CEP192: variants seen among roughly 807,000 people sequenced by gnomAD.
CEP192 encodes centrosomal protein of 192 kDa.
In CEP192, 151 loss-of-function variants were observed where a neutral mutation model predicts 271.8. The ratio of observed to expected loss-of-function variants is 0.56; its 90% confidence interval spans 0.49 to 0.64. The LOEUF is 0.64. Among genes scored for constraint, CEP192 ranks in the 30% least tolerant of loss-of-function variants. The pLI is 0.00. For missense variants in CEP192, 2,910 were observed against 3,020.5 expected, an observed-to-expected ratio of 0.96 and a Z score of 0.86; for synonymous variants, 995 against 1,076.5, an observed-to-expected ratio of 0.92 and a Z score of 1.48.
chr18:12,997,620 C>T (rs2033337187), intron 1 of CEP192, among the ~76,000 whole-genome samples: 1 of 152,128 alleles, frequency 6.6e-6, no homozygotes, highest in South Asian at 2.1e-4. Flanking sequence ...TAAAGGGCTC[C>T]AGCTCTTTCT....
intron 30 of CEP192, among the ~76,000 whole-genome samples, chr18:13,079,860 G>C (rs1415456922): frequency 6.6e-6 from 1 of 152,190 alleles, no homozygotes; most frequent in Admixed American, 6.5e-5. Flanking sequence ...CATATGGCTA[G>C]CCAGTTTTCC....
chr18:13,045,078 T>A (rs1311151640), intron 15 of CEP192, among the ~76,000 whole-genome samples: 1 of 152,198 alleles, frequency 6.6e-6, no homozygotes, highest in Non-Finnish European at 1.5e-5. Context: ...GATTAATATC[T>A]TAGGTTGTTA....
intron 19 of CEP192, 148 bp from the exon 20 acceptor site, chr18:13,057,437 A>T (rs1435263155): frequency 2.6e-6 from 2 of 763,898 alleles, no homozygotes; most frequent in Non-Finnish European, 3.9e-6. Context: ...GGCTCATGCA[A>T]CATCAAGGAC....
At chr18:13,012,534 A>G (rs1285375486) in intron 4 of CEP192, among the ~76,000 whole-genome samples, 2 of 152,116 alleles carry the variant, frequency 1.3e-5, no homozygotes, top group African/African-American at 4.8e-5. Context: ...ACAGTTGTTC[A>G]TATTGATTTG....
intron 41 of CEP192, 29 bp from the exon 42 acceptor site, chr18:13,114,101 C>T (rs2145079490): frequency 1.3e-6 from 2 of 1,583,648 alleles, no homozygotes; most frequent in East Asian, 2.2e-5. Flanking sequence ...TTTATTTCTT[C>T]TCCGTTACCC....
At chr18:13,116,807 C>T (rs1238929694) in intron 43 of CEP192, among the ~76,000 whole-genome samples, 1 of 152,132 alleles carries the variant, frequency 6.6e-6, no homozygotes, top group Non-Finnish European at 1.5e-5. Context: ...GACGGGGTTT[C>T]ACCGTGTTAG....
At chr18:13,096,092 A>G in intron 35 of CEP192, 92 bp from the exon 36 acceptor site, 1 of 1,288,584 alleles carries the variant, frequency 7.8e-7, no homozygotes, top group Non-Finnish European at 1.1e-6. Flanking sequence ...ATACTTGTAT[A>G]TCTATTTAGG....
At chr18:13,044,593 G>A (rs1035493486) in intron 15 of CEP192, among the ~76,000 whole-genome samples, 8 of 152,142 alleles carry the variant, frequency 5.3e-5, no homozygotes, top group African/African-American at 1.9e-4. Context: ...TTGTTGATGT[G>A]ATGAATTTTG....
At chr18:13,015,813 T>C (rs972284887) in intron 6 of CEP192, among the ~76,000 whole-genome samples, 1 of 150,804 alleles carries the variant, frequency 6.6e-6, no homozygotes, top group African/African-American at 2.4e-5. Flanking sequence ...TGGTGTGATC[T>C]CGGCTCACCA....
At chr18:13,069,225 A>T in intron 26 of CEP192, 44 bp downstream of exon 26, 1 of 1,499,448 alleles carries the variant, frequency 6.7e-7, no homozygotes, top group Non-Finnish European at 9.3e-7. Context: ...CTTTCCTCAG[A>T]CTGTGAGAGC....
intron 30 of CEP192, among the ~76,000 whole-genome samples, chr18:13,077,180 C>T (rs1487594501): frequency 1.3e-5 from 2 of 152,210 alleles, no homozygotes; most frequent in African/African-American, 4.8e-5. Flanking sequence ...AAGTACATAA[C>T]AACTCGGAAT....
intron 15 of CEP192, 104 bp downstream of exon 15, chr18:13,042,438 TTTC>T: frequency 1.7e-6 from 2 of 1,201,210 alleles, no homozygotes; most frequent in Non-Finnish European, 2.4e-6. Context: ...TTTAACATCT[TTTC>T]TTTCCTGGCT....
Position 13,049,852 on chromosome 18 carries a change from ATTC to A in CEP192, c.2983_2985del (p.Ser995del), listed in dbSNP as rs755040777. 2.2e-5 allele frequency: 36 copies of A among 1,613,926 alleles called. No individual in the cohort carries two copies. The highest frequency in any genetic ancestry group is 3.3e-5 in the Admixed American group (2 of 59,996). On this transcript the variant is annotated inframe_deletion, in exon 17 of 45. Coordinates refer to ENST00000506447, the MANE Select transcript of CEP192 (RefSeq NM_032142.4). Reference sequence around the variant, plus strand: ...AGACCTTCCACGTCACCACTGAGTCATTCTTCTCCTAGTGAAATTTCTGGAACG... The same window carrying A: ...AGACCTTCCACGTCACCACTGAGTCATTCTCCTAGTGAAATTTCTGGAACG...
Position 13,056,692 on chromosome 18 carries a change from G to A in CEP192, c.4102G>A (p.Gly1368Arg), listed in dbSNP as rs1370200603. 11 of 1,584,638 alleles carry A rather than the reference G, an allele frequency of 6.9e-6. No homozygotes were observed. In the South Asian group the frequency reaches 1.3e-4, roughly 18 times the overall value. Reference sequence around the variant, plus strand: ...ACCATGGGATTCAGGAGTGACATCAGGATTGGGTAAGATGCTTTTTCTCTA... The same window carrying A: ...ACCATGGGATTCAGGAGTGACATCAAGATTGGGTAAGATGCTTTTTCTCTA... Reference protein sequence around the residue: ...IEPWDSGVTSGLGSVRVPEEL... With the variant: ...IEPWDSGVTSRLGSVRVPEEL... Residue 1368 changes from glycine (G) to arginine (R), a missense_variant, in exon 19 of 45, where the codon GGA (glycine) becomes AGA (arginine). Transcript: ENST00000506447.
At chr18:13,055,173 G>A (rs2037018473) in intron 18 of CEP192, among the ~76,000 whole-genome samples, 1 of 152,048 alleles carries the variant, frequency 6.6e-6, no homozygotes, top group African/African-American at 2.4e-5. Flanking sequence ...CAGCTACTTG[G>A]GAGGCTGAGG....
At position 13,049,260 on chromosome 18, in the gene CEP192, T is replaced by C. The variant is rs1447451264; in HGVS notation, c.2469T>C (p.His823=). The change falls in exon 16 of 45, where the codon CAT becomes CAC. Residue 823 remains histidine, a synonymous_variant. Coordinates refer to ENST00000506447, the MANE Select transcript of CEP192 (RefSeq NM_032142.4). ...AAGAACAAACTACTCAAGACATTCA[T>C]CCGGTGGACTTAAGTGCTACTAGTG... is the stretch of plus-strand genomic sequence containing the variant. ...LPKEQTTQDI[H]PVDLSATSVS... is the part of the protein sequence containing the mutation. 6.2e-7 allele frequency: 1 copy of C among 1,614,150 alleles called. No individual in the cohort carries two copies. The highest frequency in any genetic ancestry group is 8.5e-7 in the Non-Finnish European group (1 of 1,180,020).
intron 40 of CEP192, among the ~76,000 whole-genome samples, chr18:13,106,657 C>T (rs1186177274): frequency 6.6e-6 from 1 of 151,786 alleles, no homozygotes; most frequent in African/African-American, 2.4e-5. Flanking sequence ...AACCATACCC[C>T]ACACAGGTAC....
Position 13,092,397 on chromosome 18 carries a change from C to A in CEP192, c.6124C>A (p.Pro2042Thr). The change falls in exon 34 of 45, where the codon CCT (proline) becomes ACT (threonine). Residue 2042 changes from proline to threonine, a missense_variant. Transcript: ENST00000506447. ...TTCAGTATATGATCTTCCCCAACGA[C>A]CTAATGATGTTCAGCTCTTTTATGG... ...VTEVYDLPQRPNDVQLFYGSM... is the reference protein window; with the variant it reads ...VTEVYDLPQRTNDVQLFYGSM... The A allele has an allele frequency of 1.3e-6, 2 of 1,599,864 alleles. No individual in the cohort carries two copies. Among genetic ancestry groups the A allele is most frequent in the Non-Finnish European group, 1.7e-6 (2 of 1,171,124 alleles).
At chr18:13,052,728 AC>A (rs2036862197) in intron 17 of CEP192, among the ~76,000 whole-genome samples, 190 bp from the exon 18 acceptor site, 1 of 152,226 alleles carries the variant, frequency 6.6e-6, no homozygotes, top group Non-Finnish European at 1.5e-5. Flanking sequence ...ATGCCACAAT[AC>A]ATTTTACACT....
Sources: allele counts gnomAD v4.1 joint callset (sites outside exome capture counted in the v4.1 genomes callset), GRCh38; gene constraint gnomAD v4.1.1; transcripts MANE v1.5; gene names NCBI Gene and HGNC (gene_info 2026-07-23, HGNC 2026-07-21).